Variants in DPP10 observed in about 807,000 individuals in gnomAD.
DPP10 encodes inactive dipeptidyl peptidase 10.
DPP10 carries 33 observed loss-of-function variants against 120.9 expected under a neutral mutation model. That is an observed-to-expected ratio of 0.27 (90% CI 0.21 to 0.37). DPP10 has a LOEUF of 0.37. Ranked by LOEUF, DPP10 falls within the 10% of genes least tolerant of loss-of-function variation. The pLI is 1.00. For missense variants in DPP10, 816 were observed against 942.8 expected (o/e 0.87, Z 1.76); for synonymous variants, 337 against 326.1 (o/e 1.03, Z -0.36).
chr2:114,789,026 T>A (rs575279613), intron 1 of DPP10, among the ~76,000 whole-genome samples: 17 of 152,128 alleles, frequency 1.1e-4, no homozygotes, highest in Non-Finnish European at 2.4e-4. Flanking sequence ...TTTGGAAAAT[T>A]AGCTTGCAGT....
At chr2:114,568,369 G>A (rs1159218909) in intron 1 of DPP10, among the ~76,000 whole-genome samples, 1 of 152,170 alleles carries the variant, frequency 6.6e-6, no homozygotes, top group Admixed American at 6.5e-5. Context: ...AGTCACTCGT[G>A]AATGGAACTG....
intron 1 of DPP10, among the ~76,000 whole-genome samples, chr2:114,735,955 T>C (rs779774226): frequency 2.0e-5 from 3 of 152,020 alleles, no homozygotes; most frequent in South Asian, 2.1e-4. Context: ...CATCTAAGTA[T>C]AGTAGAAACT....
intron 1 of DPP10, among the ~76,000 whole-genome samples, chr2:115,229,683 A>C (rs1225582101): frequency 7.0e-6 from 1 of 142,182 alleles, no homozygotes; most frequent in Non-Finnish European, 1.5e-5. Context: ...TTTGTTTCTG[A>C]GTTCTCCTAT....
intron 1 of DPP10, among the ~76,000 whole-genome samples, chr2:114,939,664 C>G (rs996536104): frequency 3.3e-5 from 5 of 152,018 alleles, no homozygotes; most frequent in African/African-American, 9.7e-5. Context: ...CTGAAATTCT[C>G]CTCTTAATTT....
At chr2:114,755,672 C>T (rs1443768540) in intron 1 of DPP10, among the ~76,000 whole-genome samples, 1 of 152,062 alleles carries the variant, frequency 6.6e-6, no homozygotes, top group Non-Finnish European at 1.5e-5. Context: ...TCTTCTGAAC[C>T]AAGAATGCAG....
chr2:114,962,482 C>CT (rs2104727413), intron 1 of DPP10, among the ~76,000 whole-genome samples: 2 of 152,142 alleles, frequency 1.3e-5, no homozygotes, highest in African/African-American at 4.8e-5. Flanking sequence ...AAAAAGTGTG[C>CT]TTTTTTTCTT....
intron 1 of DPP10, among the ~76,000 whole-genome samples, chr2:114,675,625 C>T (rs1050292330): frequency 2.0e-5 from 3 of 152,074 alleles, no homozygotes; most frequent in Non-Finnish European, 4.4e-5. Context: ...ACAATGGTTC[C>T]CAGTATTGGC....
At chr2:115,278,204 A>G (rs763850767) in intron 1 of DPP10, among the ~76,000 whole-genome samples, 11 of 152,170 alleles carry the variant, frequency 7.2e-5, no homozygotes, top group Non-Finnish European at 1.6e-4. Context: ...GTTCAGTGCA[A>G]TCATGCATAT....
At chr2:114,964,777 G>A (rs1307595609) in intron 1 of DPP10, among the ~76,000 whole-genome samples, 1 of 152,146 alleles carries the variant, frequency 6.6e-6, no homozygotes, top group Non-Finnish European at 1.5e-5. Context: ...TCTCAGTGTG[G>A]GAGAAACAGG....
chr2:114,709,249 G>A (rs1266505216), intron 1 of DPP10, among the ~76,000 whole-genome samples: 1 of 152,074 alleles, frequency 6.6e-6, no homozygotes, highest in African/African-American at 2.4e-5. Context: ...GGCAGCTACA[G>A]TGCTACATCT....
intron 1 of DPP10, among the ~76,000 whole-genome samples, chr2:115,062,782 G>A (rs548547544): frequency 3.9e-5 from 6 of 152,280 alleles, no homozygotes; most frequent in Non-Finnish European, 7.4e-5. Context: ...TCTTTATCCA[G>A]TCTATTATTG....
intron 2 of DPP10, among the ~76,000 whole-genome samples, chr2:115,326,120 A>T (rs1474054150): frequency 6.6e-6 from 1 of 152,150 alleles, no homozygotes; most frequent in Non-Finnish European, 1.5e-5. Context: ...GGTCATTTGT[A>T]AAATATTAGT....
intron 1 of DPP10, among the ~76,000 whole-genome samples, chr2:114,733,079 C>G (rs72957609): frequency 6.6e-6 from 1 of 152,060 alleles, no homozygotes; most frequent in African/African-American, 2.4e-5. Flanking sequence ...TATTGCAGAG[C>G]GAGAAAGGGC....
intron 1 of DPP10, among the ~76,000 whole-genome samples, chr2:115,119,249 T>C (rs1388272630): frequency 6.6e-6 from 1 of 152,170 alleles, no homozygotes; most frequent in African/African-American, 2.4e-5. Context: ...AAAGGTCATA[T>C]ACCAGTTAAA....
intron 1 of DPP10, among the ~76,000 whole-genome samples, chr2:115,249,892 C>A (rs966053809): frequency 5.3e-5 from 8 of 152,052 alleles, no homozygotes; most frequent in African/African-American, 1.9e-4. Context: ...TTAATTAGGG[C>A]AATTTTGTAT....
intron 1 of DPP10, among the ~76,000 whole-genome samples, chr2:115,220,647 T>C: frequency 6.6e-6 from 1 of 152,178 alleles, no homozygotes; most frequent in Non-Finnish European, 1.5e-5. Flanking sequence ...ATATAACCAG[T>C]CTTTGACAGA....
chr2:114,477,547 G>C (rs570461322), intron 1 of DPP10, among the ~76,000 whole-genome samples: 1 of 150,764 alleles, frequency 6.6e-6, no homozygotes, highest in African/African-American at 2.4e-5. Flanking sequence ...ATGTATATTG[G>C]AGGCCTTGGC....
intron 3 of DPP10, among the ~76,000 whole-genome samples, chr2:115,401,510 G>A (rs2068071250): frequency 6.6e-6 from 1 of 152,110 alleles, no homozygotes; most frequent in South Asian, 2.1e-4. Flanking sequence ...TTGAGCTCAG[G>A]AATTTGAGAT....
intron 17 of DPP10, among the ~76,000 whole-genome samples, chr2:115,785,559 CT>C (rs1490321903): frequency 4.6e-5 from 7 of 152,270 alleles, no homozygotes; most frequent in Admixed American, 4.6e-4. Context: ...CTGGTCCACT[CT>C]TGAAAGGGTG....
Sources: allele counts gnomAD v4.1 joint callset (sites outside exome capture counted in the v4.1 genomes callset), GRCh38; gene constraint gnomAD v4.1.1; transcripts MANE v1.5; gene names NCBI Gene and HGNC (gene_info 2026-07-23, HGNC 2026-07-21).